Variants in OR2C1 observed in about 807,000 individuals in gnomAD.
OR2C1 encodes olfactory receptor family 2 subfamily C member 1, also known as olfactory receptor 2C1.
For missense variants in OR2C1, 468 were observed against 388.3 expected, an observed-to-expected ratio of 1.21 and a Z score of -1.73; for synonymous variants, 209 against 167.3, an observed-to-expected ratio of 1.25 and a Z score of -1.92.
At chr16:3,333,992 G>A in the OR2C1 span, among the ~76,000 whole-genome samples, 8 of 151,474 alleles carry the variant, frequency 5.3e-5, no homozygotes, top group African/African-American at 1.9e-4. Context: ...GGTGGTGGGG[G>A]GACAGGGTCT....
the OR2C1 span, among the ~76,000 whole-genome samples, chr16:3,329,987 T>C: frequency 6.6e-6 from 1 of 151,812 alleles, no homozygotes; most frequent in African/African-American, 2.4e-5. Context: ...ACTCCTGACC[T>C]TGTGATCCGC....
the OR2C1 span, among the ~76,000 whole-genome samples, chr16:3,336,952 C>T: frequency 1.3e-5 from 2 of 151,692 alleles, no homozygotes; most frequent in African/African-American, 4.8e-5. Flanking sequence ...AGGTGATCCG[C>T]CCATCTTGGC....
upstream of OR2C1, among the ~76,000 whole-genome samples, chr16:3,354,107 C>CTG (rs1227413929): frequency 6.6e-6 from 1 of 152,108 alleles, no homozygotes; most frequent in African/African-American, 2.4e-5. Flanking sequence ...CCTCAGCCTC[C>CTG]TGAGTAGCTG....
the OR2C1 span, among the ~76,000 whole-genome samples, chr16:3,336,547 G>T: frequency 6.6e-6 from 1 of 151,870 alleles, no homozygotes; most frequent in East Asian, 1.9e-4. Context: ...TTTTAGTAGA[G>T]ATGGAGTTTC....
the OR2C1 span, among the ~76,000 whole-genome samples, chr16:3,347,244 C>G: frequency 2.6e-4 from 1 of 3,790 alleles, no homozygotes; most frequent in Non-Finnish European, 4.7e-4. Flanking sequence ...AGGACTCTGT[C>G]TCAAAAAAAA....
At chr16:3,334,721 T>C in the OR2C1 span, among the ~76,000 whole-genome samples, 5 of 152,168 alleles carry the variant, frequency 3.3e-5, no homozygotes, top group East Asian at 3.9e-4. Flanking sequence ...TTCTGCTCCA[T>C]TGGCCTATGT....
In OR2C1 at chr16:3,357,150, TG is replaced by T. The variant is rs2030695326; in HGVS notation, c.*272del. 2.6e-6 allele frequency: 1 copy of T among 381,148 alleles called. No homozygotes were observed. Among genetic ancestry groups the T allele is most frequent in the South Asian group, 5.1e-5 (1 of 19,686 alleles). 23.6% of individuals were successfully genotyped at this position (381,148 alleles called of 1,614,324 possible). On this transcript the variant is annotated 3_prime_UTR_variant, in exon 1 of 1. Transcript: ENST00000304936. ...AGAGGTTATTGACCTGTGACAGACC[TG>T]TCTCACTGTCTCTGTCTCTGTTGCC...
the OR2C1 span, among the ~76,000 whole-genome samples, chr16:3,347,246 C>CAAAA: frequency 0.026 from 1,659 of 63,112 alleles, 121 homozygotes; most frequent in African/African-American, 0.031. Context: ...GACTCTGTCT[C>CAAAA]AAAAAAAAAA....
At chr16:3,336,693 T>A in the OR2C1 span, among the ~76,000 whole-genome samples, 6 of 124,798 alleles carry the variant, frequency 4.8e-5, no homozygotes, top group Admixed American at 8.8e-5. Flanking sequence ...TTTTTCTATT[T>A]TCTTTTCTTT....
chr16:3,329,200 A>ACACC, the OR2C1 span, among the ~76,000 whole-genome samples: 7 of 150,966 alleles, frequency 4.6e-5, no homozygotes, highest in South Asian at 2.1e-4. Context: ...ACACACACAC[A>ACACC]CACACACACA....
At chr16:3,343,855 A>AT in the OR2C1 span, among the ~76,000 whole-genome samples, 2 of 152,382 alleles carry the variant, frequency 1.3e-5, no homozygotes, top group Admixed American at 1.3e-4. Context: ...AAAGGTCAGC[A>AT]TAGACCAAAT....
chr16:3,324,035 C>T, the OR2C1 span: 1 of 416,860 alleles, frequency 2.4e-6, no homozygotes, highest in Admixed American at 4.1e-5. Context: ...GTACAATCAA[C>T]TGAATGATTT....
chr16:3,333,211 ATTTTTTTTTTTTTTTTT>A, the OR2C1 span, among the ~76,000 whole-genome samples: 423 of 65,892 alleles, frequency 6.4e-3, 23 homozygotes, highest in Admixed American at 0.053. Flanking sequence ...TCTTTTGCCC[ATTTTTTTTTTTTTTTTT>A]TTTTTTTTTT....
upstream of OR2C1, chr16:3,355,872 CTTT>C (rs941232537): frequency 6.0e-6 from 7 of 1,166,324 alleles, no homozygotes; most frequent in African/African-American, 1.5e-5. Context: ...CATCCAACAG[CTTT>C]TTCTTGACTT....
the OR2C1 span, among the ~76,000 whole-genome samples, chr16:3,343,003 C>T: frequency 7.2e-5 from 11 of 152,240 alleles, no homozygotes; most frequent in South Asian, 2.3e-3. Context: ...GCTTTATTTA[C>T]ATTAATTTTT....
chr16:3,337,860 C>G, the OR2C1 span, among the ~76,000 whole-genome samples: 3 of 152,168 alleles, frequency 2.0e-5, no homozygotes, highest in African/African-American at 7.2e-5. Flanking sequence ...CTGGTCTTCT[C>G]TGTCTGGCTT....
chr16:3,335,126 G>T, the OR2C1 span, among the ~76,000 whole-genome samples: 1 of 152,110 alleles, frequency 6.6e-6, no homozygotes, highest in African/African-American at 2.4e-5. Context: ...TCTCCACTTA[G>T]TTCTTTATAC....
At chr16:3,327,807 C>T in the OR2C1 span, among the ~76,000 whole-genome samples, 5 of 151,976 alleles carry the variant, frequency 3.3e-5, no homozygotes, top group African/African-American at 4.8e-5. Context: ...TTCAAAGTGC[C>T]CTCAGAAGAG....
At chr16:3,330,917 T>TA in the OR2C1 span, among the ~76,000 whole-genome samples, 1 of 144,006 alleles carries the variant, frequency 6.9e-6, no homozygotes, top group Non-Finnish European at 1.5e-5. Context: ...AATTTGTAAT[T>TA]AAAAATTTTT....
Sources: gnomAD v4.1 joint callset for allele counts (sites outside exome capture counted in the v4.1 genomes callset) on GRCh38, gnomAD v4.1.1 for gene constraint, MANE v1.5 for transcripts, NCBI Gene and HGNC (gene_info 2026-07-23, HGNC 2026-07-21) for gene names.